The following RALYL variants were observed in gnomAD, a reference collection of about 807,000 sequenced individuals.
RALYL encodes RNA-binding Raly-like protein.
RALYL carries 29 observed loss-of-function variants against 35.1 expected under a neutral mutation model. That is an observed-to-expected ratio of 0.83 (90% CI 0.61 to 1.13). RALYL has a LOEUF of 1.13. Among genes scored for constraint, RALYL ranks in the 50% most tolerant of loss-of-function variants. The pLI is 0.00. For synonymous variants in RALYL, 120 were observed against 127.6 expected (o/e 0.94, Z 0.40); for missense variants, 359 against 360.4 (o/e 1.00, Z 0.03).
intron 1 of RALYL, among the ~76,000 whole-genome samples, chr8:84,263,526 G>C (rs1274852299): frequency 6.6e-6 from 1 of 152,140 alleles, no homozygotes; most frequent in East Asian, 1.9e-4. Flanking sequence ...TAATTATTGT[G>C]GTTAAAAATC....
chr8:84,676,804 T>A (rs1340972372), intron 2 of RALYL, among the ~76,000 whole-genome samples: 1 of 93,476 alleles, frequency 1.1e-5, no homozygotes, highest in African/African-American at 3.9e-5. Flanking sequence ...ATTAAAAGAT[T>A]TTTTTTTTCT....
chr8:84,589,293 A>T lies in RALYL; in HGVS notation c.256+59716A>T, dbSNP rs144854719. 7.8e-4 allele frequency among the ~76,000 whole-genome samples: 119 copies of T among 152,362 alleles called. No homozygotes were observed. The East Asian group carries it at 0.023, about 29-fold the overall frequency. Reference sequence around the variant, plus strand: ...GGATTCCTGAAAGAAAATCTTAAACATATGGATAGGAGAAAAATGTAGCTT... The same window carrying T: ...GGATTCCTGAAAGAAAATCTTAAACTTATGGATAGGAGAAAAATGTAGCTT... On this transcript the variant is annotated intron_variant, in intron 2 of 8. Coordinates refer to ENST00000521268, the MANE Select transcript of RALYL (RefSeq NM_173848.7).
chr8:84,437,389 G>A (rs576757944), intron 1 of RALYL, among the ~76,000 whole-genome samples: 7 of 152,154 alleles, frequency 4.6e-5, no homozygotes, highest in Admixed American at 3.9e-4. Context: ...TAAAGGGATT[G>A]CTAGGTTGAA....
At chr8:84,653,577 T>C (rs1189885856) in intron 2 of RALYL, among the ~76,000 whole-genome samples, 1 of 152,012 alleles carries the variant, frequency 6.6e-6, no homozygotes, top group Non-Finnish European at 1.5e-5. Context: ...TTCCTTCAGG[T>C]CTTTGCCAAA....
At chr8:84,868,427 A>G (rs750042551) in intron 6 of RALYL, among the ~76,000 whole-genome samples, 24 of 152,266 alleles carry the variant, frequency 1.6e-4, no homozygotes, top group South Asian at 1.2e-3. Flanking sequence ...CTCCTGGCTC[A>G]AGCAACTCTC....
chr8:84,457,327 A>G (rs2050247115), intron 1 of RALYL, among the ~76,000 whole-genome samples: 1 of 151,934 alleles, frequency 6.6e-6, no homozygotes, highest in Admixed American at 6.6e-5. Context: ...TAAATAATAG[A>G]GTTCACTTTA....
At chr8:84,195,343 G>A (rs965746083) in intron 1 of RALYL, among the ~76,000 whole-genome samples, 9 of 152,112 alleles carry the variant, frequency 5.9e-5, no homozygotes, top group Non-Finnish European at 1.3e-4. Context: ...AGGAGGCTAA[G>A]GAAGGAGAAT....
chr8:84,632,358 A>G (rs1310859759), intron 2 of RALYL, among the ~76,000 whole-genome samples: 1 of 152,010 alleles, frequency 6.6e-6, no homozygotes, highest in Non-Finnish European at 1.5e-5. Context: ...CATCTTTAAA[A>G]TGGGAAGAAA....
At chr8:84,526,160 G>T (rs1430592492) in intron 1 of RALYL, among the ~76,000 whole-genome samples, 1 of 151,726 alleles carries the variant, frequency 6.6e-6, no homozygotes, top group Non-Finnish European at 1.5e-5. Flanking sequence ...TCACCATGTT[G>T]GCCAGGCTAG....
rs548458615 is a variant in RALYL, at chr8:84,318,526, G to A, written c.-24+134102G>A. 2.2e-4 allele frequency among the ~76,000 whole-genome samples: 34 copies of A among 151,978 alleles called. 1 individual carries two copies. The South Asian group carries it at 6.9e-3, about 31-fold the overall frequency. Reference sequence around the variant, plus strand: ...AACCTTCACTGACTTCATAAATTTGGCAAATTATCGTGTGATGTTTTTTGT... The same window carrying A: ...AACCTTCACTGACTTCATAAATTTGACAAATTATCGTGTGATGTTTTTTGT... On this transcript the variant is annotated intron_variant, in intron 1 of 8. Coordinates refer to ENST00000521268, the MANE Select transcript of RALYL (RefSeq NM_173848.7).
chr8:84,201,736 A>G (rs187271652), intron 1 of RALYL, among the ~76,000 whole-genome samples: 1 of 151,226 alleles, frequency 6.6e-6, no homozygotes. Context: ...CTGATTTTTT[A>G]TCTTATTTTT....
At chr8:84,784,232 G>A (rs531447234) in intron 3 of RALYL, among the ~76,000 whole-genome samples, 6 of 152,258 alleles carry the variant, frequency 3.9e-5, no homozygotes, top group South Asian at 4.1e-4. Context: ...CAGACGGACC[G>A]TGTAACTTCT....
intron 1 of RALYL, among the ~76,000 whole-genome samples, chr8:84,367,139 C>CTT (rs577327966): frequency 5.1e-5 from 7 of 136,826 alleles, no homozygotes; most frequent in East Asian, 2.1e-4. Context: ...TTTCTTTTTT[C>CTT]TTTTTTTTTT....
At chr8:84,722,649 G>A (rs3068026) in intron 2 of RALYL, among the ~76,000 whole-genome samples, 17,228 of 95,768 alleles carry the variant, frequency 0.18, 1,472 homozygotes, top group African/African-American at 0.22. Context: ...ATATATATAT[G>A]TATGTATATA....
rs62526852 is a variant in RALYL, at chr8:84,456,034, T to C, written c.-23-73265T>C. Among the ~76,000 whole-genome samples the C allele has an allele frequency of 4.3e-3, 656 of 152,088 alleles. 6 individuals carry two copies. The highest frequency in any genetic ancestry group is 6.3e-3 in the Non-Finnish European group (427 of 67,928). Reference sequence around the variant, plus strand: ...TAGAACTCAACTCAGGCATACCCTCTCTCTTCTTTCAGTCTATTTTAGATG... The same window carrying C: ...TAGAACTCAACTCAGGCATACCCTCCCTCTTCTTTCAGTCTATTTTAGATG... On this transcript the variant is annotated intron_variant, in intron 1 of 8. Coordinates refer to ENST00000521268, the MANE Select transcript of RALYL (RefSeq NM_173848.7).
At chr8:84,654,285 ATATATATATATATATATATATATAT>A (rs1829489267) in intron 2 of RALYL, among the ~76,000 whole-genome samples, 1 of 96,016 alleles carries the variant, frequency 1.0e-5, no homozygotes, top group Non-Finnish European at 2.0e-5. Context: ...ATATATATAT[ATATATATATATATATATATATATAT>A]ATATCATGTA....
intron 2 of RALYL, among the ~76,000 whole-genome samples, chr8:84,716,092 C>G (rs971142103): frequency 3.3e-5 from 5 of 152,068 alleles, no homozygotes; most frequent in South Asian, 4.1e-4. Context: ...CCTGAAACTG[C>G]CTTAGAGGAA....
At chr8:84,600,045 G>A (rs1485673684) in intron 2 of RALYL, among the ~76,000 whole-genome samples, 3 of 151,276 alleles carry the variant, frequency 2.0e-5, no homozygotes, top group South Asian at 2.1e-4. Context: ...CAGACTGATC[G>A]GTAATATCCT....
chr8:84,354,713 A>G (rs1013739777), intron 1 of RALYL, among the ~76,000 whole-genome samples: 2 of 150,388 alleles, frequency 1.3e-5, no homozygotes, highest in African/African-American at 4.9e-5. Flanking sequence ...GAATCCTGGG[A>G]GCCAAGCTGA....
Sources: allele counts gnomAD v4.1 joint callset (sites outside exome capture counted in the v4.1 genomes callset), GRCh38; gene constraint gnomAD v4.1.1; transcripts MANE v1.5; gene names NCBI Gene and HGNC (gene_info 2026-07-23, HGNC 2026-07-21).